Variants in ESRRG observed in about 807,000 individuals in gnomAD.
ESRRG encodes the protein estrogen-related receptor gamma.
Under a neutral mutation model 44.0 loss-of-function variants are expected in ESRRG, and 13 were observed. The observed-to-expected ratio is 0.30, with a 90% confidence interval of 0.19 to 0.47. The LOEUF (loss-of-function observed/expected upper bound fraction) is 0.47. Among genes scored for constraint, ESRRG ranks in the 20% least tolerant of loss-of-function variants. ESRRG has a pLI of 1.00. For synonymous variants in ESRRG, 215 were observed against 214.6 expected (o/e 1.00, Z -0.02); for missense variants, 395 against 580.6 (o/e 0.68, Z 3.29).
chr1:216,991,112 G>A (rs1475337621), intron 1 of ESRRG, among the ~76,000 whole-genome samples: 1 of 151,984 alleles, frequency 6.6e-6, no homozygotes, highest in African/African-American at 2.4e-5. Context: ...TTCATGCAAG[G>A]GATCTAGTTT....
intron 1 of ESRRG, among the ~76,000 whole-genome samples, chr1:217,011,550 C>T (rs575145131): frequency 6.6e-6 from 1 of 152,174 alleles, no homozygotes; most frequent in Non-Finnish European, 1.5e-5. Context: ...AAAGCATTTG[C>T]TAGATAATCT....
At chr1:216,791,720 T>C (rs944552254) in intron 2 of ESRRG, among the ~76,000 whole-genome samples, 2 of 152,216 alleles carry the variant, frequency 1.3e-5, no homozygotes, top group African/African-American at 4.8e-5. Context: ...ATAAGCACTA[T>C]CATTTTTATC....
chr1:216,815,968 A>G (rs2095124000), intron 2 of ESRRG, among the ~76,000 whole-genome samples: 1 of 152,154 alleles, frequency 6.6e-6, no homozygotes, highest in Non-Finnish European at 1.5e-5. Context: ...GAAAATGTTT[A>G]TGATTGCTGG....
chr1:217,063,239 T>C (rs2088928026), intron 1 of ESRRG, among the ~76,000 whole-genome samples: 1 of 152,210 alleles, frequency 6.6e-6, no homozygotes, highest in South Asian at 2.1e-4. Flanking sequence ...CAGCTGACTC[T>C]AAAAAGCATT....
intron 2 of ESRRG, among the ~76,000 whole-genome samples, chr1:216,745,846 A>C (rs971657122): frequency 2.0e-5 from 3 of 152,236 alleles, no homozygotes; most frequent in Non-Finnish European, 2.9e-5. Flanking sequence ...CCTCATGTAG[A>C]AGGCAATTAT....
At chr1:216,519,868 T>C (rs1572149627) in intron 5 of ESRRG, among the ~76,000 whole-genome samples, 1 of 135,718 alleles carries the variant, frequency 7.4e-6, no homozygotes, top group Non-Finnish European at 1.6e-5. Flanking sequence ...AAATAAAAGG[T>C]AAACAAACAA....
rs77484373 is a variant in ESRRG at position 216,695,978 on chromosome 1, C to T, written c.57-18487G>A. Among the ~76,000 whole-genome samples the T allele has an allele frequency of 9.6e-3, 1,467 of 152,282 alleles. 20 individuals are homozygous for T. Among genetic ancestry groups the T allele is most frequent in the African/African-American group, 0.033 (1,389 of 41,564 alleles). On this transcript the variant is annotated intron_variant, in intron 1 of 6. Transcript: ENST00000408911. ...AAAGTGTATTTACACCAACCTAGAT[C>T]GTTGAAGATGCTGGCATAGATGCTT...
At chr1:216,884,024 G>A (rs1227580761) in intron 2 of ESRRG, among the ~76,000 whole-genome samples, 1 of 152,160 alleles carries the variant, frequency 6.6e-6, no homozygotes, top group African/African-American at 2.4e-5. Context: ...AAAAGTTCCA[G>A]TGTCTTTATA....
At chr1:217,027,222 T>C (rs1162816529) in intron 1 of ESRRG, among the ~76,000 whole-genome samples, 1 of 152,096 alleles carries the variant, frequency 6.6e-6, no homozygotes, top group Non-Finnish European at 1.5e-5. Context: ...CCACAGAGAA[T>C]TACTGTCTCC....
At chr1:216,833,326 C>G (rs1338690849) in intron 2 of ESRRG, among the ~76,000 whole-genome samples, 5 of 152,170 alleles carry the variant, frequency 3.3e-5, no homozygotes, top group African/African-American at 9.7e-5. Context: ...GTGAGGAAAT[C>G]AATTTAGTCA....
intron 3 of ESRRG, among the ~76,000 whole-genome samples, chr1:216,571,398 G>C (rs1227609746): frequency 2.6e-5 from 4 of 152,008 alleles, no homozygotes; most frequent in African/African-American, 9.7e-5. Flanking sequence ...AACCAAGATC[G>C]CACCATTGCA....
At chr1:216,823,973 T>G (rs773628643) in intron 2 of ESRRG, among the ~76,000 whole-genome samples, 1 of 152,154 alleles carries the variant, frequency 6.6e-6, no homozygotes, top group Non-Finnish European at 1.5e-5. Context: ...CTACAGTACT[T>G]GAGGGCAGGT....
rs1192897140 is a variant in ESRRG at position 217,059,389 on chromosome 1, A to G, written c.-106+30118T>C. 3.3e-5 allele frequency among the ~76,000 whole-genome samples: 5 copies of G among 152,092 alleles called. No individual in the cohort carries two copies. In the East Asian group the frequency reaches 9.6e-4, roughly 29 times the overall value. On this transcript the variant is annotated intron_variant, in intron 1 of 7. Transcript: ENST00000359162. ...GTTAAGAAACAATGACCAACCCAGT[A>G]CCAACGCGCATCCCTAGCATCTAGA...
At chr1:217,002,123 G>A (rs1322791265) in intron 1 of ESRRG, among the ~76,000 whole-genome samples, 7 of 151,752 alleles carry the variant, frequency 4.6e-5, no homozygotes, top group East Asian at 3.9e-4. Context: ...TCAACACGGC[G>A]AAACCCCATC....
chr1:217,121,978 G>T (rs2092826352), intron 1 of ESRRG, among the ~76,000 whole-genome samples: 1 of 152,172 alleles, frequency 6.6e-6, no homozygotes, highest in Non-Finnish European at 1.5e-5. Flanking sequence ...GAAATTGCTT[G>T]TCCTGAATTT....
chr1:216,963,999 A>T (rs906501962), intron 1 of ESRRG, among the ~76,000 whole-genome samples: 21 of 152,208 alleles, frequency 1.4e-4, no homozygotes, highest in Admixed American at 3.3e-4. Context: ...TCAGGCAAAG[A>T]TACTACCTGG....
chr1:216,813,711 T>A (rs1019591835), intron 2 of ESRRG, among the ~76,000 whole-genome samples: 2 of 152,138 alleles, frequency 1.3e-5, no homozygotes, highest in Non-Finnish European at 2.9e-5. Flanking sequence ...CTCAGACAGG[T>A]GGATATGCAT....
chr1:216,888,999 T>A (rs1428030840), intron 2 of ESRRG, among the ~76,000 whole-genome samples: 1 of 152,136 alleles, frequency 6.6e-6, no homozygotes, highest in African/African-American at 2.4e-5. Flanking sequence ...TGCATCCCAA[T>A]CCTCAGAAGA....
At chr1:216,647,486 T>C (rs1205519163) in intron 3 of ESRRG, among the ~76,000 whole-genome samples, 2 of 46,528 alleles carry the variant, frequency 4.3e-5, no homozygotes, top group Admixed American at 1.7e-4. Flanking sequence ...CTTCAACTGA[T>C]ACAATTTTTT....
Sources: allele counts gnomAD v4.1 joint callset (sites outside exome capture counted in the v4.1 genomes callset), GRCh38; gene constraint gnomAD v4.1.1; transcripts MANE v1.5; gene names NCBI Gene and HGNC (gene_info 2026-07-23, HGNC 2026-07-21).